The following PRPF39 variants were observed in gnomAD, a reference collection of about 807,000 sequenced individuals.
The protein encoded by PRPF39 is pre-mRNA processing factor 39.
A neutral mutation model predicts 82.1 loss-of-function variants in PRPF39; 27 were observed. That is an observed-to-expected ratio of 0.33 (90% CI 0.24 to 0.45). The LOEUF (loss-of-function observed/expected upper bound fraction) is 0.45, where lower values mean the gene tolerates loss of function less well. Ranked by LOEUF, PRPF39 falls within the 20% of genes least tolerant of loss-of-function variation. PRPF39 has a pLI of 1.00. For synonymous variants in PRPF39, 261 were observed against 256.4 expected (o/e 1.02, Z -0.17); for missense variants, 581 against 796.9 (o/e 0.73, Z 3.26).
At chr14:45,086,392 A>G (rs1228372831) in intron 1 of PRPF39, among the ~76,000 whole-genome samples, 1 of 152,142 alleles carries the variant, frequency 6.6e-6, no homozygotes, top group Non-Finnish European at 1.5e-5. Context: ...TTTTTTATAT[A>G]TTGCCTATTC....
chr14:45,103,334 T>C (rs767763042), intron 5 of PRPF39, among the ~76,000 whole-genome samples: 15 of 152,262 alleles, frequency 9.9e-5, no homozygotes, highest in South Asian at 4.1e-4. Context: ...TAAATAAGGA[T>C]CCAGAAAGTC....
At chr14:45,107,936 A>T (rs374277899) in intron 6 of PRPF39, among the ~76,000 whole-genome samples, 10 of 151,860 alleles carry the variant, frequency 6.6e-5, no homozygotes, top group African/African-American at 2.4e-4. Context: ...CTCGGGGGGA[A>T]AAAAAGGTCT....
At chr14:45,100,688 T>C (rs1018642522) in intron 4 of PRPF39, among the ~76,000 whole-genome samples, 6 of 152,220 alleles carry the variant, frequency 3.9e-5, no homozygotes, top group Non-Finnish European at 8.8e-5. Context: ...AATATGCACA[T>C]GCATGCATGC....
Position 45,114,205 on chromosome 14 carries a change from C to A in PRPF39, c.1780C>A (p.His594Asn). 7 of 1,600,454 alleles carry A rather than the reference C, an allele frequency of 4.4e-6. No individual in the cohort carries two copies. Among genetic ancestry groups the A allele is most frequent in the Non-Finnish European group, 5.1e-6 (6 of 1,171,196 alleles). ...VNKLLNAYDE[H>N]QTLLKEQDSL... ...CAGGCTTCTGAATGCTTATGATGAA[C>A]ATCAAACACTCCTGAAAGAACAGGA... The change falls in exon 12 of 14, where the codon CAT becomes AAT. Residue 594 changes from histidine (H) to asparagine (N), a missense_variant. Coordinates refer to ENST00000355765, the MANE Select transcript of PRPF39 (RefSeq NM_017922.4).
chr14:45,102,394 C>T, intron 4 of PRPF39, 135 bp from the exon 5 acceptor site: 1 of 643,892 alleles, frequency 1.6e-6, no homozygotes, highest in Non-Finnish European at 2.5e-6. Context: ...ATTCTGTCTA[C>T]CCTTTAATCC....
chr14:45,114,672 A>C (rs1420055657), intron 13 of PRPF39, 58 bp downstream of exon 13: 1 of 1,552,142 alleles, frequency 6.4e-7, no homozygotes, highest in Non-Finnish European at 8.7e-7. Context: ...AAATTAGGAT[A>C]GTTTCTTTTT....
chr14:45,102,263 C>T (rs1456750157), intron 4 of PRPF39, among the ~76,000 whole-genome samples: 1 of 152,152 alleles, frequency 6.6e-6, no homozygotes, highest in Non-Finnish European at 1.5e-5. Context: ...CTACTCTTAC[C>T]TATTTGCAAT....
Position 45,096,183 on chromosome 14 carries a change from T to C in PRPF39, c.405T>C (p.Tyr135=), listed in dbSNP as rs1402307817. The C allele has an allele frequency of 1.3e-6, 2 of 1,591,426 alleles. No individual in the cohort carries two copies. Among genetic ancestry groups the C allele is most frequent in the Admixed American group, 1.8e-5 (1 of 56,874 alleles). ...YPYCYGYWKK[Y]ADLEKRHDNI... ...ATTGCTATGGTTACTGGAAAAAGTA[T>C]GCAGACCTTGAAAAGCGGCACGACA... Residue 135 remains tyrosine (Y), a synonymous_variant, in exon 3 of 14, where the codon TAT becomes TAC. Coordinates refer to ENST00000355765, the MANE Select transcript of PRPF39 (RefSeq NM_017922.4).
Position 45,115,275 on chromosome 14 carries a change from G to A in PRPF39, c.*362G>A, listed in dbSNP as rs1196279972. On this transcript the variant is annotated 3_prime_UTR_variant, in exon 14 of 14. Transcript: ENST00000355765. The stretch of plus-strand genomic sequence containing the variant: ...TACAAAATTCTGAAAACACATAAGG[G>A]CTGGTTATTTACCTCCTTTTTTTTT... 1 of 154,570 alleles carries A rather than the reference G, an allele frequency of 6.5e-6. No individual in the cohort carries two copies. The highest frequency in any genetic ancestry group is 1.4e-5 in the Non-Finnish European group (1 of 70,206). The allele number at this position is 154,570 out of a possible 1,614,324, so 9.6% of individuals were successfully genotyped here.
chr14:45,088,875 A>G (rs186936053), intron 1 of PRPF39, among the ~76,000 whole-genome samples: 13 of 152,348 alleles, frequency 8.5e-5, no homozygotes, highest in Non-Finnish European at 1.9e-4. Flanking sequence ...TACTTTTACT[A>G]TGCAAAGCAC....
At chr14:45,109,941 C>T in intron 8 of PRPF39, 153 bp from the exon 9 acceptor site, 1 of 1,531,984 alleles carries the variant, frequency 6.5e-7, no homozygotes, top group Non-Finnish European at 8.7e-7. Flanking sequence ...ATGCCAACCT[C>T]GTTGCCTCTC....
At chr14:45,087,320 G>C (rs964102007) in intron 1 of PRPF39, among the ~76,000 whole-genome samples, 7 of 152,006 alleles carry the variant, frequency 4.6e-5, no homozygotes, top group African/African-American at 1.7e-4. Flanking sequence ...GACTGGTCTC[G>C]AACTCCTGGA....
At chr14:45,112,632 C>T in intron 11 of PRPF39, 130 bp downstream of exon 11, 1 of 928,708 alleles carries the variant, frequency 1.1e-6, no homozygotes, top group Non-Finnish European at 1.4e-6. Flanking sequence ...ACTTTTTCCT[C>T]AGATATATAT....
chr14:45,098,657 A>G (rs566586629), intron 4 of PRPF39, among the ~76,000 whole-genome samples: 32 of 152,196 alleles, frequency 2.1e-4, no homozygotes, highest in African/African-American at 7.2e-4. Context: ...ATACAATCAG[A>G]TCTGTTAAAA....
intron 13 of PRPF39, 79 bp from the exon 14 acceptor site, chr14:45,114,778 T>C: frequency 2.8e-6 from 4 of 1,405,870 alleles, no homozygotes; most frequent in Middle Eastern, 1.8e-4. Context: ...TTCTTAAACA[T>C]AGCTGCTTTA....
chr14:45,111,319 C>T (rs1884689028), intron 10 of PRPF39, among the ~76,000 whole-genome samples: 3 of 151,410 alleles, frequency 2.0e-5, no homozygotes, highest in Admixed American at 1.3e-4. Context: ...AGATTTATAG[C>T]AGTTTGCTTC....
chr14:45,096,355 A>G, intron 3 of PRPF39, 127 bp downstream of exon 3: 7 of 1,404,008 alleles, frequency 5.0e-6, no homozygotes, highest in Non-Finnish European at 4.7e-6. Context: ...AACAATTTTT[A>G]TAGGGTATTT....
chr14:45,093,559 CTT>C (rs112983627), intron 1 of PRPF39, among the ~76,000 whole-genome samples: 5 of 120,218 alleles, frequency 4.2e-5, no homozygotes, highest in Admixed American at 8.5e-5. Context: ...TTTTTCTTTT[CTT>C]TTTTTTTTTT....
intron 4 of PRPF39, among the ~76,000 whole-genome samples, chr14:45,097,542 A>G (rs924669207): frequency 2.6e-5 from 4 of 152,142 alleles, no homozygotes; most frequent in African/African-American, 9.7e-5. Flanking sequence ...AGTTTTATCA[A>G]ATGTTCCTTC....
Sources: gnomAD v4.1 joint callset for allele counts (sites outside exome capture counted in the v4.1 genomes callset) on GRCh38, gnomAD v4.1.1 for gene constraint, MANE v1.5 for transcripts, NCBI Gene and HGNC (gene_info 2026-07-23, HGNC 2026-07-21) for gene names.